CFAP61: variants seen among roughly 807,000 people sequenced by gnomAD.
The protein encoded by CFAP61 is cilia and flagella associated protein 61, also known as cilia- and flagella-associated protein 61.
Under a neutral mutation model 135.6 loss-of-function variants are expected in CFAP61, and 107 were observed. The observed-to-expected ratio is 0.79, with a 90% confidence interval of 0.67 to 0.93. The LOEUF (loss-of-function observed/expected upper bound fraction) is 0.93. Ranked by LOEUF, CFAP61 falls within the 40% of genes least tolerant of loss-of-function variation. The pLI is 0.00. For synonymous variants in CFAP61, 575 were observed against 578.5 expected, an observed-to-expected ratio of 0.99 and a Z score of 0.09; for missense variants, 1,507 against 1,556.2, an observed-to-expected ratio of 0.97 and a Z score of 0.53.
At chr20:20,270,628 T>C (rs1331973805) in intron 21 of CFAP61, among the ~76,000 whole-genome samples, 3 of 152,058 alleles carry the variant, frequency 2.0e-5, no homozygotes, top group Non-Finnish European at 4.4e-5. Context: ...CTGGCATTTT[T>C]CCCCCTTGAT....
chr20:20,085,038 A>G, intron 6 of CFAP61: 2 of 864,006 alleles, frequency 2.3e-6, no homozygotes, highest in Non-Finnish European at 2.8e-6. Context: ...ACACATTCAG[A>G]ATGGAAGATA....
At chr20:20,186,101 G>A (rs1263006002) in intron 13 of CFAP61, among the ~76,000 whole-genome samples, 1 of 152,174 alleles carries the variant, frequency 6.6e-6, no homozygotes, top group East Asian at 1.9e-4. Context: ...GCATTGTGCA[G>A]TTACCACGTC....
chr20:20,091,860 T>G (rs770832959), intron 7 of CFAP61, among the ~76,000 whole-genome samples: 1 of 152,148 alleles, frequency 6.6e-6, no homozygotes, highest in Non-Finnish European at 1.5e-5. Flanking sequence ...GTATTTTTAG[T>G]AGAGACGGGG....
intron 17 of CFAP61, among the ~76,000 whole-genome samples, chr20:20,211,787 T>C (rs985395191): frequency 1.3e-5 from 2 of 152,242 alleles, no homozygotes; most frequent in Admixed American, 6.5e-5. Context: ...TAATTGTGGT[T>C]TTTATGGTAG....
intron 6 of CFAP61, among the ~76,000 whole-genome samples, chr20:20,078,212 C>A (rs12624915): frequency 6.6e-6 from 1 of 152,166 alleles, no homozygotes; most frequent in African/African-American, 2.4e-5. Flanking sequence ...GCATGACCGA[C>A]CACCCAATCC....
chr20:20,218,466 C>T (rs1474379381), intron 17 of CFAP61, among the ~76,000 whole-genome samples: 1 of 152,184 alleles, frequency 6.6e-6, no homozygotes, highest in East Asian at 1.9e-4. Context: ...ATGTCTTTAT[C>T]AGCAGCATGA....
chr20:20,204,524 T>C (rs949500496), intron 17 of CFAP61, among the ~76,000 whole-genome samples: 6 of 152,228 alleles, frequency 3.9e-5, no homozygotes, highest in Admixed American at 1.3e-4. Flanking sequence ...TCTGATGGAC[T>C]GTTACTGGAT....
At chr20:20,306,840 A>C (rs375848812) in intron 25 of CFAP61, among the ~76,000 whole-genome samples, 106 of 152,318 alleles carry the variant, frequency 7.0e-4, no homozygotes, top group African/African-American at 2.4e-3. Flanking sequence ...ATTAATACTA[A>C]GGGGAGACAA....
chr20:20,199,409 G>A (rs1360811180), intron 16 of CFAP61, among the ~76,000 whole-genome samples: 1 of 152,112 alleles, frequency 6.6e-6, no homozygotes, highest in Non-Finnish European at 1.5e-5. Flanking sequence ...AGGTTAACAG[G>A]ATGCAGATAA....
chr20:20,147,403 C>T (rs1200682482), intron 9 of CFAP61, among the ~76,000 whole-genome samples: 1 of 152,192 alleles, frequency 6.6e-6, no homozygotes, highest in East Asian at 1.9e-4. Flanking sequence ...TCCACACCAA[C>T]ATCTATTGTT....
chr20:20,288,403 A>G (rs2054749436), intron 22 of CFAP61, among the ~76,000 whole-genome samples: 1 of 152,202 alleles, frequency 6.6e-6, no homozygotes, highest in Non-Finnish European at 1.5e-5. Flanking sequence ...AATTGAGTGA[A>G]TAAGAGTGAC....
At chr20:20,294,059 C>G (rs1391094899) in intron 24 of CFAP61, among the ~76,000 whole-genome samples, 1 of 152,162 alleles carries the variant, frequency 6.6e-6, no homozygotes, top group Non-Finnish European at 1.5e-5. Context: ...CCATCAAAAT[C>G]TTAAATTTAA....
intron 8 of CFAP61, among the ~76,000 whole-genome samples, chr20:20,111,367 C>G (rs1269196550): frequency 6.6e-6 from 1 of 152,084 alleles, no homozygotes; most frequent in Non-Finnish European, 1.5e-5. Flanking sequence ...GGATGGATTC[C>G]TTTTCTCAAG....
rs369608945 is a variant in CFAP61, at chr20:20,360,462, C to G, written c.*52C>G. 2.2e-5 allele frequency: 33 copies of G among 1,534,790 alleles called. No homozygotes were observed. In the African/African-American group the frequency reaches 4.0e-4, roughly 19 times the overall value. ...TTTTCATTTATTTAGTTCCTGGAAA[C>G]GCGCTCTGTAGAAATAGAAAAGTTC... On this transcript the variant is annotated 3_prime_UTR_variant, in exon 27 of 27. Transcript: ENST00000245957.
chr20:20,359,332 G>T lies in CFAP61; in HGVS notation c.3514-878G>T, dbSNP rs1281550458. ...CATATAGGACCTTTCAAGTAAAAAG[G>T]TTTAATCACTCCTTTTTTTTATTTT... On this transcript the variant is annotated intron_variant, in intron 26 of 26. Transcript: ENST00000245957. The surrounding 1 kb of genome is among the most constrained non-coding windows in gnomAD (Gnocchi z 4.0). Among the ~76,000 whole-genome samples, 1 of 151,312 alleles carries T rather than the reference G, an allele frequency of 6.6e-6. No homozygotes were observed. Among genetic ancestry groups the T allele is most frequent in the Admixed American group, 6.6e-5 (1 of 15,046 alleles).
chr20:20,224,753 A>G (rs1347602213), intron 17 of CFAP61, among the ~76,000 whole-genome samples: 1 of 152,240 alleles, frequency 6.6e-6, no homozygotes, highest in African/African-American at 2.4e-5. Flanking sequence ...TTAGAAAAAT[A>G]GAAATGTCTT....
chr20:20,315,778 C>G (rs1181887820), intron 25 of CFAP61, among the ~76,000 whole-genome samples: 2 of 152,178 alleles, frequency 1.3e-5, no homozygotes, highest in African/African-American at 4.8e-5. Context: ...TTCCCAGCAC[C>G]ATTTATTAAA....
chr20:20,276,642 T>A (rs1437537623), intron 21 of CFAP61, among the ~76,000 whole-genome samples: 2 of 152,236 alleles, frequency 1.3e-5, no homozygotes, highest in Non-Finnish European at 2.9e-5. Context: ...CAGGGTTGAA[T>A]CTTTGTAAAA....
At chr20:20,256,201 A>G (rs539364495) in intron 20 of CFAP61, among the ~76,000 whole-genome samples, 141 of 152,340 alleles carry the variant, frequency 9.3e-4, no homozygotes, top group Non-Finnish European at 1.9e-3. Flanking sequence ...GCTCATCCAA[A>G]TGCTACCCAA....
Sources: gnomAD v4.1 joint callset for allele counts (sites outside exome capture counted in the v4.1 genomes callset) on GRCh38, gnomAD v4.1.1 for gene constraint, Gnocchi (gnomAD v3.1) non-coding constraint, MANE v1.5 for transcripts, NCBI Gene and HGNC (gene_info 2026-07-23, HGNC 2026-07-21) for gene names.